The following ROBO2 variants were observed in gnomAD, a reference collection of about 807,000 sequenced individuals.
ROBO2 encodes roundabout guidance receptor 2.
A neutral mutation model predicts 160.8 loss-of-function variants in ROBO2; 53 were observed. The ratio of observed to expected loss-of-function variants is 0.33; its 90% CI spans 0.26 to 0.41. ROBO2 has a LOEUF of 0.41. Among genes scored for constraint, ROBO2 ranks in the 10% least tolerant of loss-of-function variants. The pLI is 1.00. For missense variants in ROBO2, 1,577 were observed against 1,722.4 expected, an observed-to-expected ratio of 0.92 and a Z score of 1.49; for synonymous variants, 664 against 611.7, an observed-to-expected ratio of 1.09 and a Z score of -1.26.
At chr3:76,813,407 C>T (rs999967218) in intron 2 of ROBO2, among the ~76,000 whole-genome samples, 3 of 151,918 alleles carry the variant, frequency 2.0e-5, no homozygotes, top group African/African-American at 7.2e-5. Context: ...TTTTGCCCAT[C>T]GTTTTTGTCA....
chr3:76,981,349 A>G (rs768209668), intron 2 of ROBO2, among the ~76,000 whole-genome samples: 1 of 152,178 alleles, frequency 6.6e-6, no homozygotes, highest in Non-Finnish European at 1.5e-5. Context: ...CATATCCTCC[A>G]CAGCACTTTT....
chr3:76,394,796 C>T (rs2077341777), intron 2 of ROBO2, among the ~76,000 whole-genome samples: 2 of 152,168 alleles, frequency 1.3e-5, no homozygotes, highest in African/African-American at 2.4e-5. Context: ...TATATATGCA[C>T]CCAATACAGG....
At chr3:76,335,147 A>G (rs2073779655) in intron 2 of ROBO2, among the ~76,000 whole-genome samples, 1 of 149,814 alleles carries the variant, frequency 6.7e-6, no homozygotes, top group Non-Finnish European at 1.5e-5. Context: ...GATTGCAGGC[A>G]TGAGCCACCA....
At chr3:76,216,012 T>A (rs750453456) in intron 2 of ROBO2, among the ~76,000 whole-genome samples, 4 of 152,166 alleles carry the variant, frequency 2.6e-5, no homozygotes, top group Non-Finnish European at 5.9e-5. Context: ...TATTCAACAT[T>A]CTTAAAGGAA....
chr3:76,934,958 A>ATTTTTTTTTTTTTTTTT (rs151316771), intron 2 of ROBO2, among the ~76,000 whole-genome samples: 4 of 146,730 alleles, frequency 2.7e-5, no homozygotes, highest in Non-Finnish European at 1.5e-5. Context: ...AGGCTTCACA[A>ATTTTTTTTTTTTTTTTT]ATTTTTTTTT....
intron 2 of ROBO2, among the ~76,000 whole-genome samples, chr3:76,996,890 A>G (rs191788469): frequency 2.2e-3 from 336 of 152,302 alleles, no homozygotes; most frequent in African/African-American, 7.8e-3. Flanking sequence ...GTCCCCTATC[A>G]TTATTAACTG....
At chr3:76,101,759 A>C (rs563062716) in intron 2 of ROBO2, among the ~76,000 whole-genome samples, 85 of 107,850 alleles carry the variant, frequency 7.9e-4, no homozygotes, top group Middle Eastern at 7.4e-3. Context: ...TCCTGTGTCC[A>C]AGTGTTCCCA....
At chr3:76,245,023 AAC>A (rs1310971772) in intron 2 of ROBO2, among the ~76,000 whole-genome samples, 1 of 150,708 alleles carries the variant, frequency 6.6e-6, no homozygotes, top group Non-Finnish European at 1.5e-5. Context: ...GATGAAATTA[AAC>A]AGTGTGTAAA....
At chr3:75,952,339 C>T (rs1948572453) in intron 2 of ROBO2, among the ~76,000 whole-genome samples, 1 of 151,858 alleles carries the variant, frequency 6.6e-6, no homozygotes, top group Non-Finnish European at 1.5e-5. Context: ...TGATTTTATT[C>T]TGCTTTATAA....
chr3:77,115,502 C>CT (rs1331759377), intron 2 of ROBO2, among the ~76,000 whole-genome samples: 1 of 152,104 alleles, frequency 6.6e-6, no homozygotes, highest in Admixed American at 6.5e-5. Context: ...GTTTTTTTAG[C>CT]TTTCTAACTC....
chr3:76,023,696 A>G (rs2066644874), intron 2 of ROBO2, among the ~76,000 whole-genome samples: 1 of 151,698 alleles, frequency 6.6e-6, no homozygotes, highest in South Asian at 2.1e-4. Context: ...CCATAACAAT[A>G]TAATGACAAT....
chr3:76,569,570 G>A (rs1449328688), intron 2 of ROBO2, among the ~76,000 whole-genome samples: 5 of 152,010 alleles, frequency 3.3e-5, no homozygotes, highest in Admixed American at 6.6e-5. Context: ...TAAAAGGGAG[G>A]TATTTGTTGA....
rs1452204716 is a variant in ROBO2 at position 77,649,193 on chromosome 3, G to A, written c.*3138G>A. On this transcript the variant is annotated 3_prime_UTR_variant, in exon 26 of 26. Coordinates refer to ENST00000461745, the Ensembl canonical transcript of ROBO2. ...AGAAAATTCAAAACCAACATATAAGGTATCACACAACCAAGAAAAGTAAAA... is the reference window on the plus strand; with the variant it reads ...AGAAAATTCAAAACCAACATATAAGATATCACACAACCAAGAAAAGTAAAA... 4 of 152,124 alleles carry A rather than the reference G, an allele frequency of 2.6e-5. No individual in the cohort carries two copies. In the South Asian group the frequency reaches 8.3e-4, roughly 31 times the overall value. The allele number at this position is 152,124 out of a possible 1,614,324, so 9.4% of individuals were successfully genotyped here.
chr3:77,173,420 A>G (rs533926795), intron 2 of ROBO2, among the ~76,000 whole-genome samples: 5 of 152,202 alleles, frequency 3.3e-5, no homozygotes, highest in Admixed American at 3.3e-4. Context: ...AAAAGCAAGA[A>G]GTGACCTTGT....
chr3:77,363,384 T>C (rs2070340516), intron 2 of ROBO2, among the ~76,000 whole-genome samples: 1 of 152,140 alleles, frequency 6.6e-6, no homozygotes, highest in Admixed American at 6.5e-5. Context: ...TCAATGTATA[T>C]CAGATATTGG....
chr3:77,346,597 C>T (rs1036529201), intron 2 of ROBO2, among the ~76,000 whole-genome samples: 43 of 152,112 alleles, frequency 2.8e-4, no homozygotes, highest in African/African-American at 9.7e-4. Flanking sequence ...TTCACATTCC[C>T]GGAATCAAGG....
At chr3:75,959,804 G>T (rs1386035601) in intron 2 of ROBO2, among the ~76,000 whole-genome samples, 4 of 151,422 alleles carry the variant, frequency 2.6e-5, no homozygotes, top group Non-Finnish European at 5.9e-5. Context: ...TTACCAGGCA[G>T]AAATGCTCCA....
intron 2 of ROBO2, among the ~76,000 whole-genome samples, chr3:76,686,802 A>G (rs577679387): frequency 2.0e-5 from 3 of 152,222 alleles, no homozygotes; most frequent in Admixed American, 2.0e-4. Flanking sequence ...CTCAAAAAAG[A>G]AAAAGAAAAA....
intron 2 of ROBO2, among the ~76,000 whole-genome samples, chr3:76,783,757 A>C (rs2062806180): frequency 6.6e-6 from 1 of 150,866 alleles, no homozygotes. Flanking sequence ...TGTTCATTTC[A>C]ATATTTAGAT....
Sources: gnomAD v4.1 joint callset for allele counts (sites outside exome capture counted in the v4.1 genomes callset) on GRCh38, gnomAD v4.1.1 for gene constraint, MANE v1.5 for transcripts, NCBI Gene and HGNC (gene_info 2026-07-23, HGNC 2026-07-21) for gene names.